HS6ST3: variants seen among roughly 807,000 people sequenced by gnomAD.
HS6ST3 encodes the protein heparan-sulfate 6-O-sulfotransferase 3.
A neutral mutation model predicts 36.7 loss-of-function variants in HS6ST3; 12 were observed. The ratio of observed to expected loss-of-function variants is 0.33; its 90% CI spans 0.21 to 0.53. HS6ST3 has a LOEUF of 0.53. Ranked by LOEUF, HS6ST3 falls within the 20% of genes least tolerant of loss-of-function variation. The pLI is 0.95. For missense variants in HS6ST3, 584 were observed against 640.9 expected (o/e 0.91, Z 0.96); for synonymous variants, 240 against 257.5 (o/e 0.93, Z 0.65).
intron 1 of HS6ST3, among the ~76,000 whole-genome samples, chr13:96,118,865 C>T (rs1406936914): frequency 4.8e-5 from 7 of 147,178 alleles, no homozygotes; most frequent in South Asian, 2.2e-4. Context: ...CGCCCGCCAC[C>T]GCGCCCGGCT....
At chr13:96,783,492 T>A (rs889387678) in intron 1 of HS6ST3, among the ~76,000 whole-genome samples, 1 of 152,202 alleles carries the variant, frequency 6.6e-6, no homozygotes, top group Non-Finnish European at 1.5e-5. Context: ...TGTTTTTCTC[T>A]TAAGAAATTG....
At chr13:96,149,312 C>T (rs1467735077) in intron 1 of HS6ST3, among the ~76,000 whole-genome samples, 1 of 152,102 alleles carries the variant, frequency 6.6e-6, no homozygotes, top group East Asian at 1.9e-4. Flanking sequence ...TCAAAGGACA[C>T]AAAATGAAAG....
At chr13:96,688,779 C>T (rs1874857129) in intron 1 of HS6ST3, among the ~76,000 whole-genome samples, 1 of 152,062 alleles carries the variant, frequency 6.6e-6, no homozygotes, top group African/African-American at 2.4e-5. Context: ...CTTGATATCC[C>T]TGGCATACGT....
At chr13:96,800,002 A>ATATATATATGTGTATATATATATATG (rs1878026686) in intron 1 of HS6ST3, among the ~76,000 whole-genome samples, 3 of 120,444 alleles carry the variant, frequency 2.5e-5, no homozygotes, top group Middle Eastern at 4.2e-3. Context: ...ATATATGTAT[A>ATATATATATGTGTATATATATATATG]TATATATATA....
chr13:96,333,762 GAATAGATGAAAGGCAA>G (rs1191059592), intron 1 of HS6ST3, among the ~76,000 whole-genome samples: 1 of 152,130 alleles, frequency 6.6e-6, no homozygotes, highest in Non-Finnish European at 1.5e-5. Flanking sequence ...ACTGACACAT[GAATAGATGAAAGGCAA>G]AATACTTGGT....
Position 96,573,853 on chromosome 13 carries a change from G to A in HS6ST3, c.708-258637G>A, listed in dbSNP as rs1014542728. The A allele has an allele frequency of 1.4e-5, 6 of 442,626 alleles. No homozygotes were observed. In the East Asian group the frequency reaches 1.7e-4, roughly 13 times the overall value. 27.4% of individuals were successfully genotyped at this position (442,626 alleles called of 1,614,324 possible). ...GGACCTGGAAGTGCTCCCATCACAC[G>A]AATGAATCCAGCATCAGGAGCACTG... On this transcript the variant is annotated intron_variant, in intron 1 of 1. Transcript: ENST00000376705.
intron 1 of HS6ST3, among the ~76,000 whole-genome samples, chr13:96,306,082 C>T (rs2054911536): frequency 6.7e-6 from 1 of 150,064 alleles, no homozygotes; most frequent in Non-Finnish European, 1.5e-5. Flanking sequence ...CAGATGCGCA[C>T]CACCATGCCC....
chr13:96,544,217 T>C (rs1404934631), intron 1 of HS6ST3, among the ~76,000 whole-genome samples: 2 of 152,182 alleles, frequency 1.3e-5, no homozygotes, highest in Admixed American at 6.5e-5. Context: ...ACACTGCGTC[T>C]AATTTGGGGA....
At chr13:96,316,088 A>G (rs1419231738) in intron 1 of HS6ST3, among the ~76,000 whole-genome samples, 1 of 152,190 alleles carries the variant, frequency 6.6e-6, no homozygotes, top group Non-Finnish European at 1.5e-5. Flanking sequence ...GGTAAGTGCT[A>G]TTTTGTTTTC....
intron 1 of HS6ST3, among the ~76,000 whole-genome samples, chr13:96,518,026 A>G (rs1265898207): frequency 2.0e-5 from 3 of 152,140 alleles, no homozygotes; most frequent in Non-Finnish European, 4.4e-5. Context: ...TACTGTGGAG[A>G]CATAAAAAAG....
At chr13:96,460,447 T>A (rs1330317246) in intron 1 of HS6ST3, among the ~76,000 whole-genome samples, 1 of 152,216 alleles carries the variant, frequency 6.6e-6, no homozygotes, top group Non-Finnish European at 1.5e-5. Flanking sequence ...GTTCGTATAT[T>A]TTCTGTAAGA....
intron 1 of HS6ST3, among the ~76,000 whole-genome samples, chr13:96,123,159 G>A (rs2053934378): frequency 6.6e-6 from 1 of 152,142 alleles, no homozygotes; most frequent in Non-Finnish European, 1.5e-5. Flanking sequence ...ATGTCACCAT[G>A]TTTCACAAGC....
chr13:96,622,203 T>C (rs2056497415), intron 1 of HS6ST3, among the ~76,000 whole-genome samples: 1 of 150,760 alleles, frequency 6.6e-6, no homozygotes, highest in East Asian at 1.9e-4. Flanking sequence ...TCATTTTTAC[T>C]GATATAATTT....
Position 96,091,088 on chromosome 13 carries a change from C to CG in HS6ST3, c.231dup (p.Pro78AlafsTer99). ...GCGGCCCCAGTTGCCCCCGCCGCCC[C>CG]GGGGGCCCCCCGAGGGACCTCGGGG... On this transcript the variant is annotated frameshift_variant, in exon 1 of 2. Transcript: ENST00000376705. LOFTEE classifies it high-confidence loss of function. 1.5e-6 allele frequency: 2 copies of CG among 1,300,540 alleles called. No homozygotes were observed. Among genetic ancestry groups the CG allele is most frequent in the Non-Finnish European group, 1.9e-6 (2 of 1,029,540 alleles). 80.6% of individuals were successfully genotyped at this position (1,300,540 alleles called of 1,614,324 possible). A position where few individuals can be genotyped will look rare whatever the true frequency, so the allele number is the denominator to read the frequency against.
rs116543143 is a variant in HS6ST3, at chr13:96,419,889, A to G, written c.707+328320A>G. Among the ~76,000 whole-genome samples, 1,475 of 152,236 alleles carry G rather than the reference A, an allele frequency of 9.7e-3. 18 individuals carry two copies. The highest frequency in any genetic ancestry group is 0.034 in the African/African-American group (1,422 of 41,550). On this transcript the variant is annotated intron_variant, in intron 1 of 1. Transcript: ENST00000376705. ...CTTTAGGGCCCACTCCAATGATCTC[A>G]TCTTAAATTGATTGCACCTGCAAAG...
intron 1 of HS6ST3, among the ~76,000 whole-genome samples, chr13:96,274,194 A>C (rs1165086327): frequency 1.3e-5 from 2 of 151,734 alleles, no homozygotes; most frequent in African/African-American, 4.8e-5. Context: ...GGCCACTAGC[A>C]GCTCCTGAAT....
intron 1 of HS6ST3, among the ~76,000 whole-genome samples, chr13:96,189,366 A>G (rs2139344636): frequency 6.6e-6 from 1 of 152,258 alleles, no homozygotes; most frequent in Middle Eastern, 3.4e-3. Context: ...AATGAATCTA[A>G]GTTCCTGTGT....
chr13:96,237,739 G>A (rs528876511), intron 1 of HS6ST3, among the ~76,000 whole-genome samples: 29 of 152,246 alleles, frequency 1.9e-4, no homozygotes, highest in African/African-American at 6.3e-4. Flanking sequence ...GGGTTAATTC[G>A]GTGGACACAT....
intron 1 of HS6ST3, among the ~76,000 whole-genome samples, chr13:96,557,161 A>G (rs2056244232): frequency 6.6e-6 from 1 of 152,172 alleles, no homozygotes; most frequent in Non-Finnish European, 1.5e-5. Context: ...AGTACTGGAT[A>G]TTTTCACATG....
Sources: gnomAD v4.1 joint callset for allele counts (sites outside exome capture counted in the v4.1 genomes callset) on GRCh38, gnomAD v4.1.1 for gene constraint, MANE v1.5 for transcripts, NCBI Gene and HGNC (gene_info 2026-07-23, HGNC 2026-07-21) for gene names.